The following SNAP91 variants were observed in gnomAD, a reference collection of about 807,000 sequenced individuals.
The protein encoded by SNAP91 is synaptosome associated protein 91.
In SNAP91, 27 loss-of-function variants were observed where a neutral mutation model predicts 100.3. That is an observed-to-expected ratio of 0.27 (90% CI 0.20 to 0.37). SNAP91 has a LOEUF of 0.37. SNAP91 is among the 10% of genes least tolerant of loss of function. SNAP91 has a pLI of 1.00. For missense variants in SNAP91, 986 were observed against 1,123.7 expected (o/e 0.88, Z 1.75); for synonymous variants, 404 against 398.6 (o/e 1.01, Z -0.16).
chr6:83,591,417 TG>T, intron 21 of SNAP91, 123 bp from the exon 22 acceptor site: 1 of 620,798 alleles, frequency 1.6e-6, no homozygotes, highest in Non-Finnish European at 2.9e-6. Flanking sequence ...TTGTCTTTTG[TG>T]GGTGTGTGAA....
chr6:83,575,317 A>AC, intron 25 of SNAP91, 196 bp from the exon 26 acceptor site: 1 of 520,320 alleles, frequency 1.9e-6, no homozygotes, highest in South Asian at 2.3e-5. Flanking sequence ...AAAGCATTTG[A>AC]AAAAAAATCA....
In SNAP91 at chr6:83,677,040, C is replaced by G. The variant is rs368650951; in HGVS notation, c.131-11459G>C. On this transcript the variant is annotated intron_variant, in intron 2 of 29. Coordinates refer to ENST00000369694, the MANE Select transcript of SNAP91 (RefSeq NM_001242792.2). ...CTGGACAAAATACCTCTTGTACACT[C>G]TCTGGAAAAAGGAAAGAAAAACACT... Among the ~76,000 whole-genome samples, 15 of 152,278 alleles carry G rather than the reference C, an allele frequency of 9.9e-5. No individual in the cohort carries two copies. In the East Asian group the frequency reaches 1.7e-3, roughly 18 times the overall value.
At chr6:83,555,053 A>G (rs944844099) in intron 29 of SNAP91, among the ~76,000 whole-genome samples, 2 of 152,222 alleles carry the variant, frequency 1.3e-5, no homozygotes, top group African/African-American at 2.4e-5. Context: ...AGGTGAATAC[A>G]GGCTGCTCTA....
chr6:83,561,020 CAA>C (rs1245494031), intron 26 of SNAP91, 73 bp from the exon 27 acceptor site: 1 of 941,826 alleles, frequency 1.1e-6, no homozygotes, highest in Non-Finnish European at 1.6e-6. Flanking sequence ...AATAAACAAA[CAA>C]AAAGAACAAT....
At chr6:83,627,996 C>T (rs570200103) in intron 8 of SNAP91, among the ~76,000 whole-genome samples, 2 of 151,554 alleles carry the variant, frequency 1.3e-5, no homozygotes, top group African/African-American at 4.8e-5. Context: ...GTCTTTATCC[C>T]TCACCCTCTT....
At chr6:83,658,156 A>C (rs1021198628) in intron 6 of SNAP91, among the ~76,000 whole-genome samples, 1 of 152,060 alleles carries the variant, frequency 6.6e-6, no homozygotes, top group African/African-American at 2.4e-5. Context: ...GAATACAGAA[A>C]GCTCCCATAT....
intron 14 of SNAP91, among the ~76,000 whole-genome samples, chr6:83,603,213 T>C (rs1562298169): frequency 6.6e-6 from 1 of 152,140 alleles, no homozygotes; most frequent in African/African-American, 2.4e-5. Context: ...TTTAACCTTA[T>C]AGTCATTTAA....
chr6:83,702,282 G>A (rs189303787), intron 2 of SNAP91, among the ~76,000 whole-genome samples: 26 of 152,212 alleles, frequency 1.7e-4, no homozygotes, highest in Admixed American at 1.4e-3. Context: ...AAGCACCCTC[G>A]GCCCCTAGGG....
intron 27 of SNAP91, 65 bp from the exon 28 acceptor site, chr6:83,560,273 A>G: frequency 8.9e-7 from 1 of 1,123,296 alleles, no homozygotes; most frequent in Non-Finnish European, 1.3e-6. Flanking sequence ...CTATCCTGAC[A>G]TTTATTGCTT....
intron 3 of SNAP91, 120 bp from the exon 4 acceptor site, chr6:83,662,542 T>C (rs186637914): frequency 2.6e-6 from 1 of 381,880 alleles, no homozygotes; most frequent in Admixed American, 4.5e-5. Flanking sequence ...TACTCAGTTA[T>C]AAAGTTTCCT....
At chr6:83,581,678 C>T (rs368008187) in intron 23 of SNAP91, among the ~76,000 whole-genome samples, 1 of 152,024 alleles carries the variant, frequency 6.6e-6, no homozygotes, top group Non-Finnish European at 1.5e-5. Context: ...CATTTAATTG[C>T]CAAAAACTCA....
intron 22 of SNAP91, among the ~76,000 whole-genome samples, chr6:83,590,321 T>C (rs2093550844): frequency 6.6e-6 from 1 of 152,176 alleles, no homozygotes; most frequent in African/African-American, 2.4e-5. Context: ...AAAATAATAA[T>C]TTCTAGGTCA....
chr6:83,626,518 T>A (rs1016618075), intron 8 of SNAP91, among the ~76,000 whole-genome samples: 3 of 152,168 alleles, frequency 2.0e-5, no homozygotes, highest in African/African-American at 7.2e-5. Context: ...TTTGTTTGTG[T>A]CATCTCTGAC....
intron 7 of SNAP91, among the ~76,000 whole-genome samples, chr6:83,655,282 A>G (rs1173318709): frequency 6.6e-6 from 1 of 152,222 alleles, no homozygotes; most frequent in African/African-American, 2.4e-5. Flanking sequence ...CTTTGGTGGC[A>G]ACATAGAGGA....
chr6:83,569,941 GT>G (rs1466612589), intron 26 of SNAP91, among the ~76,000 whole-genome samples: 1 of 152,096 alleles, frequency 6.6e-6, no homozygotes, highest in Non-Finnish European at 1.5e-5. Context: ...CCAGTCTCGG[GT>G]ATGTCTTGAT....
intron 24 of SNAP91, among the ~76,000 whole-genome samples, chr6:83,578,501 A>G (rs912539832): frequency 2.0e-5 from 3 of 152,166 alleles, no homozygotes; most frequent in African/African-American, 4.8e-5. Flanking sequence ...GGCCATCTGT[A>G]TATATTCTTT....
chr6:83,656,914 A>C, intron 6 of SNAP91, 49 bp from the exon 7 acceptor site: 1 of 806,354 alleles, frequency 1.2e-6, no homozygotes, highest in Non-Finnish European at 1.9e-6. Context: ...TTAAGTCTTA[A>C]TTTTTCTTGA....
In SNAP91 at chr6:83,638,741, C is replaced by T. The variant is rs79378911; in HGVS notation, c.765+2355G>A. Among the ~76,000 whole-genome samples, 23 of 152,200 alleles carry T rather than the reference C, an allele frequency of 1.5e-4. No homozygotes were observed. In the East Asian group the frequency reaches 4.4e-3, roughly 29 times the overall value. Reference sequence around the variant, plus strand: ...ATTTAGGAATTCTTCCTCAACATTGCTATTTTTATTGCTCTGAACTTCTGA... The same window carrying T: ...ATTTAGGAATTCTTCCTCAACATTGTTATTTTTATTGCTCTGAACTTCTGA... On this transcript the variant is annotated intron_variant, in intron 8 of 29. Transcript: ENST00000369694.
At chr6:83,631,914 T>C (rs2097220291) in intron 8 of SNAP91, among the ~76,000 whole-genome samples, 1 of 152,078 alleles carries the variant, frequency 6.6e-6, no homozygotes, top group South Asian at 2.1e-4. Context: ...TTTGTTTTTG[T>C]TTTTAAAATT....
Sources: gnomAD v4.1 joint callset for allele counts (sites outside exome capture counted in the v4.1 genomes callset) on GRCh38, gnomAD v4.1.1 for gene constraint, MANE v1.5 for transcripts, NCBI Gene and HGNC (gene_info 2026-07-23, HGNC 2026-07-21) for gene names.